BCL2: variants seen among roughly 807,000 people sequenced by gnomAD.
BCL2 encodes apoptosis regulator Bcl-2.
In BCL2, 1 loss-of-function variant was observed where a neutral mutation model predicts 14.2. That is an observed-to-expected ratio of 0.07 (90% CI 0.02 to 0.33). The LOEUF is 0.33. Among genes scored for constraint, BCL2 ranks in the 10% least tolerant of loss-of-function variants. The probability of loss-of-function intolerance (pLI) is 0.99; values close to 1 mark genes in which losing one functional copy is unlikely to be tolerated. For missense variants in BCL2, 247 were observed against 305.9 expected, an observed-to-expected ratio of 0.81 and a Z score of 1.44; for synonymous variants, 151 against 137.2, an observed-to-expected ratio of 1.10 and a Z score of -0.70.
chr18:63,303,814 G>A (rs1459181348), intron 2 of BCL2, among the ~76,000 whole-genome samples: 3 of 152,136 alleles, frequency 2.0e-5, no homozygotes, highest in Non-Finnish European at 4.4e-5. Flanking sequence ...AATGACCAAT[G>A]TTGTCATAAA....
At chr18:63,268,955 A>T (rs868002157) in intron 2 of BCL2, among the ~76,000 whole-genome samples, 18 of 148,112 alleles carry the variant, frequency 1.2e-4, no homozygotes, top group Admixed American at 2.0e-4. Flanking sequence ...TTCTTTTTCC[A>T]TTTTTTTTTT....
intron 2 of BCL2, among the ~76,000 whole-genome samples, chr18:63,157,603 G>A (rs909055252): frequency 3.9e-5 from 6 of 152,158 alleles, no homozygotes; most frequent in East Asian, 1.9e-4. Context: ...TAATTGTAAC[G>A]CAGTGCACTG....
At chr18:63,162,788 C>G (rs1237962612) in intron 2 of BCL2, among the ~76,000 whole-genome samples, 2 of 152,140 alleles carry the variant, frequency 1.3e-5, no homozygotes, top group Non-Finnish European at 2.9e-5. Context: ...CTCCCAAACC[C>G]CCAAACTCTG....
intron 2 of BCL2, among the ~76,000 whole-genome samples, chr18:63,152,010 C>T (rs1443339353): frequency 6.6e-6 from 1 of 152,158 alleles, no homozygotes; most frequent in African/African-American, 2.4e-5. Context: ...GTTGGCAGGA[C>T]AGTTTTGGAG....
rs1260632688 is a variant in BCL2, at chr18:63,128,144, GAAC to G, written c.*478_*480del. 4.3e-6 allele frequency: 1 copy of G among 230,966 alleles called. No individual in the cohort carries two copies. The highest frequency in any genetic ancestry group is 8.6e-6 in the Non-Finnish European group (1 of 116,658). The allele number at this position is 230,966 out of a possible 1,614,324, so 14.3% of individuals were successfully genotyped here. A position where few individuals can be genotyped will look rare whatever the true frequency, so the allele number is the denominator to read the frequency against. The stretch of plus-strand genomic sequence containing the variant: ...CCAGGGCAAAGAAATGCAAGTGAAT[GAAC>G]ACCTTCTCCCCAGCCTCCAGCAGCC... On this transcript the variant is annotated 3_prime_UTR_variant, in exon 3 of 3. Coordinates refer to ENST00000333681, the MANE Select transcript of BCL2 (RefSeq NM_000633.3).
At chr18:63,245,334 A>G (rs950295967) in intron 2 of BCL2, among the ~76,000 whole-genome samples, 13 of 152,196 alleles carry the variant, frequency 8.5e-5, no homozygotes, top group Admixed American at 3.3e-4. Flanking sequence ...TGGTCTTCAT[A>G]TAAGTCAGAC....
At chr18:63,252,087 C>A (rs2144209771) in intron 2 of BCL2, among the ~76,000 whole-genome samples, 2 of 152,272 alleles carry the variant, frequency 1.3e-5, no homozygotes, top group Middle Eastern at 6.8e-3. Context: ...AAAGAAGCCA[C>A]AAGGATAGAA....
chr18:63,144,120 C>G (rs1480184117), intron 2 of BCL2, among the ~76,000 whole-genome samples: 1 of 152,218 alleles, frequency 6.6e-6, no homozygotes, highest in African/African-American at 2.4e-5. Flanking sequence ...CTTGGATCCA[C>G]AGGCAACATG....
intron 2 of BCL2, among the ~76,000 whole-genome samples, chr18:63,160,771 G>A (rs544293299): frequency 2.2e-4 from 30 of 134,802 alleles, no homozygotes; most frequent in East Asian, 1.1e-3. Context: ...GGATGGGGGC[G>A]GGGCTGCGAG....
intron 2 of BCL2, among the ~76,000 whole-genome samples, chr18:63,168,193 T>A (rs1915092900): frequency 6.6e-6 from 1 of 152,166 alleles, no homozygotes; most frequent in Admixed American, 6.5e-5. Context: ...ATTGCCAATG[T>A]ACCAAGGATC....
rs981757679 is a variant in BCL2, at chr18:63,125,219, C to T, written c.*3406G>A. The T allele has an allele frequency of 4.4e-6, 1 of 225,866 alleles. No homozygotes were observed. The highest frequency in any genetic ancestry group is 2.2e-5 in the African/African-American group (1 of 44,910). The allele number at this position is 225,866 out of a possible 1,614,324, so 14.0% of individuals were successfully genotyped here. On this transcript the variant is annotated 3_prime_UTR_variant, in exon 3 of 3. Transcript: ENST00000333681. ...ATCACATATAAATGGAAGGCCACAT[C>T]TGAACACAGAGAGGTAAGTGAGCTG...
At chr18:63,204,962 A>G (rs1481800504) in intron 2 of BCL2, among the ~76,000 whole-genome samples, 1 of 152,166 alleles carries the variant, frequency 6.6e-6, no homozygotes, top group East Asian at 1.9e-4. Context: ...AAATTAATAG[A>G]CAATGGTTCC....
chr18:63,173,558 A>C (rs1385488572), intron 2 of BCL2, among the ~76,000 whole-genome samples: 1 of 152,256 alleles, frequency 6.6e-6, no homozygotes, highest in African/African-American at 2.4e-5. Context: ...CCTGTGCAGC[A>C]GTTTTCCTAT....
chr18:63,302,125 C>T (rs1382798819), intron 2 of BCL2, among the ~76,000 whole-genome samples: 4 of 151,706 alleles, frequency 2.6e-5, no homozygotes, highest in Non-Finnish European at 5.9e-5. Context: ...GTCAGGAGTT[C>T]GAGACCAGCC....
chr18:63,217,327 T>C (rs1206667811), intron 2 of BCL2, among the ~76,000 whole-genome samples: 3 of 152,336 alleles, frequency 2.0e-5, no homozygotes, highest in East Asian at 3.9e-4. Context: ...AAATAATTTA[T>C]TGAGAGTTAT....
At chr18:63,177,274 A>G (rs981079716) in intron 2 of BCL2, among the ~76,000 whole-genome samples, 1 of 152,228 alleles carries the variant, frequency 6.6e-6, no homozygotes, top group African/African-American at 2.4e-5. Flanking sequence ...AGGAGGTACC[A>G]AATGTGCTTT....
chr18:63,138,132 C>T (rs763481663), intron 2 of BCL2, among the ~76,000 whole-genome samples: 3 of 152,240 alleles, frequency 2.0e-5, no homozygotes, highest in Admixed American at 6.5e-5. Flanking sequence ...GCAGAAAGAG[C>T]GCTCCATGAA....
intron 2 of BCL2, among the ~76,000 whole-genome samples, chr18:63,179,528 A>G (rs1915433675): frequency 6.6e-6 from 1 of 151,432 alleles, no homozygotes; most frequent in Admixed American, 6.6e-5. Flanking sequence ...AAGGTGAGGA[A>G]AGGTAACGAT....
At chr18:63,169,393 C>CTT (rs1599222185) in intron 2 of BCL2, among the ~76,000 whole-genome samples, 9 of 113,340 alleles carry the variant, frequency 7.9e-5, no homozygotes, top group Admixed American at 3.6e-4. Flanking sequence ...CTTTCTTTTT[C>CTT]TTTCTTTCTT....
Sources: gnomAD v4.1 joint callset for allele counts (sites outside exome capture counted in the v4.1 genomes callset) on GRCh38, gnomAD v4.1.1 for gene constraint, MANE v1.5 for transcripts, NCBI Gene and HGNC (gene_info 2026-07-23, HGNC 2026-07-21) for gene names.